Variants in GNAQ observed in about 807,000 individuals in gnomAD.
GNAQ encodes guanine nucleotide-binding protein G(q) subunit alpha.
In GNAQ, 8 loss-of-function variants were observed where a neutral mutation model predicts 43.9. The observed-to-expected ratio is 0.18, with a 90% CI of 0.11 to 0.33. The LOEUF (loss-of-function observed/expected upper bound fraction) is 0.33. Ranked by LOEUF, GNAQ falls within the 10% of genes least tolerant of loss-of-function variation. The pLI is 1.00. For missense variants in GNAQ, 158 were observed against 450.8 expected (o/e 0.35, Z 5.88); for synonymous variants, 155 against 170.7 (o/e 0.91, Z 0.71).
At chr9:77,974,856 TACTC>T (rs1823279042) in intron 1 of GNAQ, among the ~76,000 whole-genome samples, 2 of 152,260 alleles carry the variant, frequency 1.3e-5, no homozygotes, top group Non-Finnish European at 2.9e-5. Context: ...TCATACAAAA[TACTC>T]AGGTAAATCC....
At chr9:77,854,633 C>T (rs980247582) in intron 2 of GNAQ, among the ~76,000 whole-genome samples, 4 of 152,190 alleles carry the variant, frequency 2.6e-5, no homozygotes, top group South Asian at 4.1e-4. Context: ...CATAAACAAA[C>T]GTGTGAATGC....
At chr9:77,830,906 A>G (rs1827288218) in intron 2 of GNAQ, among the ~76,000 whole-genome samples, 1 of 152,250 alleles carries the variant, frequency 6.6e-6, no homozygotes, top group Non-Finnish European at 1.5e-5. Flanking sequence ...AGTCCTTTAA[A>G]GAAAGAGTTT....
chr9:77,817,218 G>C (rs1827032353), intron 2 of GNAQ, among the ~76,000 whole-genome samples: 1 of 152,150 alleles, frequency 6.6e-6, no homozygotes. Context: ...AGCATCACTG[G>C]CTCCTCAATG....
At chr9:77,938,296 A>G (rs762629979) in intron 1 of GNAQ, among the ~76,000 whole-genome samples, 2 of 152,194 alleles carry the variant, frequency 1.3e-5, no homozygotes, top group Non-Finnish European at 2.9e-5. Context: ...ATATATATTT[A>G]TATGTGGGCT....
Position 77,790,318 on chromosome 9 carries a change from T to C in GNAQ, c.735+4145A>G, listed in dbSNP as rs1433087665. Among the ~76,000 whole-genome samples the C allele has an allele frequency of 2.0e-5, 3 of 152,352 alleles. No individual in the cohort carries two copies. The East Asian group carries it at 5.8e-4, about 29-fold the overall frequency. Reference sequence around the variant, plus strand: ...AGGTTTTCCCCGCAAAGCTGAATGTTATCTGAAGAAAATTCCCAAAAGCTC... The same window carrying C: ...AGGTTTTCCCCGCAAAGCTGAATGTCATCTGAAGAAAATTCCCAAAAGCTC... On this transcript the variant is annotated intron_variant, in intron 5 of 6. Coordinates refer to ENST00000286548, the MANE Select transcript of GNAQ (RefSeq NM_002072.5).
intron 2 of GNAQ, among the ~76,000 whole-genome samples, chr9:77,817,847 G>A (rs1464207317): frequency 1.3e-5 from 2 of 152,152 alleles, no homozygotes; most frequent in African/African-American, 4.8e-5. Flanking sequence ...GTCAAACGAG[G>A]TGTCAGAGAG....
intron 3 of GNAQ, among the ~76,000 whole-genome samples, chr9:77,811,909 C>T (rs1270683341): frequency 1.3e-5 from 2 of 152,084 alleles, no homozygotes; most frequent in East Asian, 3.9e-4. Flanking sequence ...GATTCTACTC[C>T]CTTTGAAGTA....
At chr9:77,744,747 T>C (rs1049126019) in intron 5 of GNAQ, among the ~76,000 whole-genome samples, 3 of 152,038 alleles carry the variant, frequency 2.0e-5, no homozygotes, top group African/African-American at 7.2e-5. Flanking sequence ...TCAAAACTTG[T>C]TAAATAACTA....
At chr9:77,945,039 T>C (rs774251801) in intron 1 of GNAQ, among the ~76,000 whole-genome samples, 9 of 152,160 alleles carry the variant, frequency 5.9e-5, no homozygotes, top group Non-Finnish European at 1.2e-4. Flanking sequence ...TCCTTCTGAG[T>C]CTGTCTTCAC....
intron 2 of GNAQ, among the ~76,000 whole-genome samples, chr9:77,886,961 A>G (rs1828317902): frequency 1.3e-5 from 2 of 151,618 alleles, no homozygotes; most frequent in South Asian, 4.2e-4. Flanking sequence ...AAATACAAAA[A>G]AAAAAAAAAA....
chr9:77,925,806 G>A (rs933084463), intron 1 of GNAQ, among the ~76,000 whole-genome samples: 1 of 152,150 alleles, frequency 6.6e-6, no homozygotes, highest in Non-Finnish European at 1.5e-5. Context: ...ATCCACAAGG[G>A]ATTGGTTCCA....
chr9:77,997,092 TCA>T (rs1053019827), intron 1 of GNAQ, among the ~76,000 whole-genome samples: 4 of 152,252 alleles, frequency 2.6e-5, no homozygotes, highest in Non-Finnish European at 5.9e-5. Flanking sequence ...TTATCTTTTA[TCA>T]CAGAGAAAAT....
intron 2 of GNAQ, among the ~76,000 whole-genome samples, chr9:77,871,978 T>C (rs1828046755): frequency 6.6e-6 from 1 of 152,234 alleles, no homozygotes; most frequent in Non-Finnish European, 1.5e-5. Context: ...CTCATGTATA[T>C]GGAATTCAAA....
At chr9:77,986,644 T>C (rs1823439428) in intron 1 of GNAQ, among the ~76,000 whole-genome samples, 1 of 152,144 alleles carries the variant, frequency 6.6e-6, no homozygotes, top group Non-Finnish European at 1.5e-5. Context: ...TAGCTGGGAC[T>C]ACAGGTGTGC....
intron 1 of GNAQ, among the ~76,000 whole-genome samples, chr9:78,030,887 C>CTGTGTGTGTGTGTGTGTGTG (rs35071779): frequency 2.1e-5 from 3 of 146,078 alleles, no homozygotes; most frequent in African/African-American, 7.7e-5. Flanking sequence ...GTGTGTGTCG[C>CTGTGTGTGTGTGTGTGTGTG]TGTGTGTGTG....
chr9:77,789,747 T>C (rs1468913157), intron 5 of GNAQ, among the ~76,000 whole-genome samples: 1 of 152,154 alleles, frequency 6.6e-6, no homozygotes, highest in Non-Finnish European at 1.5e-5. Flanking sequence ...ATTGCATAGA[T>C]TATACTGTAT....
Position 77,832,771 on chromosome 9 carries a change from C to T in GNAQ, c.322-17001G>A, listed in dbSNP as rs983968978. 5.9e-5 allele frequency among the ~76,000 whole-genome samples: 9 copies of T among 152,164 alleles called. No homozygotes were observed. In the East Asian group the frequency reaches 1.2e-3, roughly 20 times the overall value. On this transcript the variant is annotated intron_variant, in intron 2 of 6. Transcript: ENST00000286548. The stretch of plus-strand genomic sequence containing the variant: ...GAAGGAAGCTGGGTTAGTGTGGTTA[C>T]GTTGTACGGTTGTCAGATTATTCAC...
rs1467203839 is a variant in GNAQ, at chr9:78,031,515, G to C, written c.-280C>G. 1.2e-5 allele frequency: 2 copies of C among 161,290 alleles called. No homozygotes were observed. The highest frequency in any genetic ancestry group is 2.4e-5 in the African/African-American group (1 of 41,158). The allele number at this position is 161,290 out of a possible 1,614,324, so 10.0% of individuals were successfully genotyped here. A position where few individuals can be genotyped will look rare whatever the true frequency, so the allele number is the denominator to read the frequency against. On this transcript the variant is annotated 5_prime_UTR_variant, in exon 1 of 7. Coordinates refer to ENST00000286548, the MANE Select transcript of GNAQ (RefSeq NM_002072.5). ...CTGGCTCGGGGGGCGCGTGAGAGAA[G>C]GCCGCCGCGCCCGGCCTCGCTCAGA...
chr9:77,865,653 C>T (rs1827936276), intron 2 of GNAQ, among the ~76,000 whole-genome samples: 1 of 152,148 alleles, frequency 6.6e-6, no homozygotes. Context: ...GTTCAGAGTT[C>T]CAGGCCCAGC....
Sources: gnomAD v4.1 joint callset for allele counts (sites outside exome capture counted in the v4.1 genomes callset) on GRCh38, gnomAD v4.1.1 for gene constraint, MANE v1.5 for transcripts, NCBI Gene and HGNC (gene_info 2026-07-23, HGNC 2026-07-21) for gene names.